IGSF21: variants seen among roughly 807,000 people sequenced by gnomAD.
The protein encoded by IGSF21 is immunoglobulin superfamily member 21.
IGSF21 carries 28 observed loss-of-function variants against 46.8 expected under a neutral mutation model. That is an observed-to-expected ratio of 0.60 (90% CI 0.44 to 0.82). IGSF21 has a LOEUF of 0.82. Among genes scored for constraint, IGSF21 ranks in the 40% least tolerant of loss-of-function variants. The pLI is 0.00. For missense variants in IGSF21, 624 were observed against 665.5 expected (o/e 0.94, Z 0.69); for synonymous variants, 284 against 273.6 (o/e 1.04, Z -0.38).
chr1:18,258,320 C>T (rs1488848125), intron 2 of IGSF21, among the ~76,000 whole-genome samples: 4 of 152,196 alleles, frequency 2.6e-5, no homozygotes, highest in Non-Finnish European at 5.9e-5. Flanking sequence ...TCTGTCTAGA[C>T]TGATTAAGGA....
chr1:18,114,352 C>A (rs925480305), intron 1 of IGSF21: 82 of 152,348 alleles, frequency 5.4e-4, no homozygotes, highest in African/African-American at 1.8e-3. Flanking sequence ...CTCCACAAAA[C>A]ACATAGCAGG....
In IGSF21 at chr1:18,134,502, G is replaced by A. The variant is rs1294671300; in HGVS notation, c.70+26304G>A. Among the ~76,000 whole-genome samples the A allele has an allele frequency of 3.3e-5, 5 of 152,118 alleles. No homozygotes were observed. In the South Asian group the frequency reaches 6.2e-4, roughly 19 times the overall value. Reference sequence around the variant, plus strand: ...GGTTAATTACTCGCAGGCACTATCCGCTCATCTCCCAGGCCTCTTATCTGA... The same window carrying A: ...GGTTAATTACTCGCAGGCACTATCCACTCATCTCCCAGGCCTCTTATCTGA... On this transcript the variant is annotated intron_variant, in intron 1 of 9. Coordinates refer to ENST00000251296, the MANE Select transcript of IGSF21 (RefSeq NM_032880.5).
intron 3 of IGSF21, among the ~76,000 whole-genome samples, chr1:18,317,049 C>T (rs1013313687): frequency 3.3e-5 from 5 of 152,188 alleles, no homozygotes; most frequent in African/African-American, 1.2e-4. Context: ...GTTTGTGTGA[C>T]CTTGGGTGAG....
At chr1:18,111,647 G>T (rs1422780493) in intron 1 of IGSF21, 1 of 152,184 alleles carries the variant, frequency 6.6e-6, no homozygotes, top group Non-Finnish European at 1.5e-5. Context: ...CAATAGCCCC[G>T]ATTATATGGA....
intron 3 of IGSF21, among the ~76,000 whole-genome samples, chr1:18,309,455 A>G (rs1027397557): frequency 2.0e-5 from 3 of 152,186 alleles, no homozygotes; most frequent in African/African-American, 7.2e-5. Context: ...GGCAAGGGGC[A>G]GAGCCAGGAT....
At chr1:18,228,173 C>T (rs1478809640) in intron 2 of IGSF21, among the ~76,000 whole-genome samples, 163 bp downstream of exon 2, 2 of 152,150 alleles carry the variant, frequency 1.3e-5, no homozygotes, top group Admixed American at 6.5e-5. Flanking sequence ...TGACACCCTC[C>T]TTGGGTACTA....
chr1:18,161,563 C>T (rs932960681), intron 1 of IGSF21, among the ~76,000 whole-genome samples: 1 of 152,168 alleles, frequency 6.6e-6, no homozygotes, highest in African/African-American at 2.4e-5. Flanking sequence ...GCGCCCATTC[C>T]AAGTATCCCA....
At chr1:18,260,919 G>A (rs189183645) in intron 2 of IGSF21, among the ~76,000 whole-genome samples, 267 of 152,316 alleles carry the variant, frequency 1.8e-3, no homozygotes, top group African/African-American at 6.3e-3. Context: ...GAGGTGTTGG[G>A]GGCCACCTAC....
At chr1:18,152,908 G>A (rs1484945335) in intron 1 of IGSF21, among the ~76,000 whole-genome samples, 2 of 152,152 alleles carry the variant, frequency 1.3e-5, no homozygotes, top group African/African-American at 4.8e-5. Flanking sequence ...CTTGGAATAG[G>A]AATATCCAAG....
At chr1:18,151,351 G>T (rs1338963227) in intron 1 of IGSF21, among the ~76,000 whole-genome samples, 3 of 152,336 alleles carry the variant, frequency 2.0e-5, no homozygotes, top group East Asian at 3.9e-4. Context: ...TCCAGGCAAT[G>T]GTTCTGGGGG....
chr1:18,297,455 A>G (rs552093085), intron 3 of IGSF21, among the ~76,000 whole-genome samples: 5 of 152,316 alleles, frequency 3.3e-5, no homozygotes, highest in Non-Finnish European at 7.4e-5. Flanking sequence ...ACATAATCAG[A>G]CCTGCTTTCG....
intron 1 of IGSF21, among the ~76,000 whole-genome samples, chr1:18,152,199 C>A (rs2086527088): frequency 1.3e-5 from 2 of 152,352 alleles, no homozygotes; most frequent in African/African-American, 4.8e-5. Flanking sequence ...ACTGCACATT[C>A]ATCCACAGTG....
intron 1 of IGSF21, among the ~76,000 whole-genome samples, chr1:18,136,128 G>A (rs2086366179): frequency 1.3e-5 from 2 of 152,016 alleles, no homozygotes; most frequent in South Asian, 4.1e-4. Context: ...TTGTAAATTT[G>A]TTTGAGCTCA....
At chr1:18,373,761 G>C (rs2086251846) in intron 6 of IGSF21, among the ~76,000 whole-genome samples, 1 of 152,138 alleles carries the variant, frequency 6.6e-6, no homozygotes, top group Admixed American at 6.5e-5. Context: ...ACTTCCTATA[G>C]CATGACCTTG....
intron 2 of IGSF21, among the ~76,000 whole-genome samples, chr1:18,232,412 G>T (rs185434037): frequency 6.6e-6 from 1 of 152,146 alleles, no homozygotes; most frequent in East Asian, 1.9e-4. Flanking sequence ...AATTTGAGTG[G>T]CTGACATTAT....
intron 2 of IGSF21, among the ~76,000 whole-genome samples, chr1:18,283,020 C>G (rs537120706): frequency 4.6e-5 from 7 of 152,318 alleles, no homozygotes; most frequent in Non-Finnish European, 8.8e-5. Context: ...GGCTCACCCA[C>G]GCAGGATGGG....
intron 6 of IGSF21, among the ~76,000 whole-genome samples, chr1:18,375,074 C>T (rs1350659784): frequency 2.0e-5 from 3 of 152,182 alleles, no homozygotes; most frequent in Non-Finnish European, 4.4e-5. Context: ...GGAAGAGGCA[C>T]CCTGACCACT....
At chr1:18,234,030 G>A (rs916439816) in intron 2 of IGSF21, among the ~76,000 whole-genome samples, 7 of 152,146 alleles carry the variant, frequency 4.6e-5, no homozygotes, top group African/African-American at 1.7e-4. Context: ...GGGCAAGAAG[G>A]TAGGTACACT....
intron 3 of IGSF21, among the ~76,000 whole-genome samples, chr1:18,324,338 A>G (rs868599799): frequency 2.6e-5 from 4 of 152,214 alleles, no homozygotes; most frequent in African/African-American, 9.7e-5. Flanking sequence ...CTTCTGGCTC[A>G]CAGCAGCCAC....
Sources: allele counts gnomAD v4.1 joint callset (sites outside exome capture counted in the v4.1 genomes callset), GRCh38; gene constraint gnomAD v4.1.1; transcripts MANE v1.5; gene names NCBI Gene and HGNC (gene_info 2026-07-23, HGNC 2026-07-21).